DNAH8: variants seen among roughly 807,000 people sequenced by gnomAD.
DNAH8 encodes dynein axonemal heavy chain 8, also known as axonemal beta dynein heavy chain 8.
DNAH8 carries 382 observed loss-of-function variants against 562.1 expected under a neutral mutation model. That is an observed-to-expected ratio of 0.68 (90% CI 0.63 to 0.74). The LOEUF is 0.74. DNAH8 is among the 30% of genes least tolerant of loss of function. The pLI is 0.00. For missense variants in DNAH8, 5,203 were observed against 5,620.4 expected, an observed-to-expected ratio of 0.93 and a Z score of 2.37; for synonymous variants, 1,881 against 1,919.4, an observed-to-expected ratio of 0.98 and a Z score of 0.52.
At chr6:38,981,028 A>AGTGTGT (rs368543739) in intron 85 of DNAH8, among the ~76,000 whole-genome samples, 26,079 of 145,524 alleles carry the variant, frequency 0.18, 2,421 homozygotes, top group Middle Eastern at 0.21. Context: ...TGAAAACGGC[A>AGTGTGT]GTGTGTGTGT....
intron 16 of DNAH8, among the ~76,000 whole-genome samples, chr6:38,782,178 T>C (rs926482797): frequency 6.6e-6 from 1 of 152,094 alleles, no homozygotes; most frequent in Non-Finnish European, 1.5e-5. Flanking sequence ...AGTTGCTGAT[T>C]GACTTTGTGG....
rs780187879 is a variant in DNAH8, at chr6:38,852,745, A to G, written c.5518A>G (p.Lys1840Glu). ...CATCAATGAGGTGACATTTCATGCA[A>G]AAGACTATGATCGCATCATGGCCGT... is the stretch of plus-strand genomic sequence containing the variant. ...DNINEVTFHAKDYDRIMAVIS... is the reference protein window; with the variant it reads ...DNINEVTFHAEDYDRIMAVIS... Residue 1840 changes from lysine to glutamate, a missense_variant, in exon 40 of 93, where the codon AAA becomes GAA. This residue lies in a region of DNAH8 where 2,176 missense variants were observed against 2,365.1 expected (regional missense o/e 0.92). Coordinates refer to ENST00000327475, the MANE Select transcript of DNAH8 (RefSeq NM_001206927.2). 1.1e-5 allele frequency: 17 copies of G among 1,613,782 alleles called. No homozygotes were observed. The highest frequency in any genetic ancestry group is 1.7e-5 in the Admixed American group (1 of 60,006).
chr6:38,748,648 C>T (rs34143805), intron 8 of DNAH8, among the ~76,000 whole-genome samples: 3 of 151,140 alleles, frequency 2.0e-5, no homozygotes, highest in Non-Finnish European at 4.4e-5. Flanking sequence ...CAGCACTTTG[C>T]GAGGCTGAGG....
At chr6:38,855,524 T>G (rs548313252) in intron 41 of DNAH8, among the ~76,000 whole-genome samples, 1 of 152,272 alleles carries the variant, frequency 6.6e-6, no homozygotes, top group African/African-American at 2.4e-5. Flanking sequence ...AATTGACATA[T>G]AACAATTGTA....
chr6:38,880,193 G>A (rs1300092949), intron 53 of DNAH8, among the ~76,000 whole-genome samples: 1 of 152,202 alleles, frequency 6.6e-6, no homozygotes, highest in Non-Finnish European at 1.5e-5. Context: ...GTTGCAGTGA[G>A]CTGAGATTGT....
intron 21 of DNAH8, among the ~76,000 whole-genome samples, chr6:38,797,994 C>T (rs1318147568): frequency 1.3e-5 from 2 of 151,836 alleles, no homozygotes; most frequent in Non-Finnish European, 2.9e-5. Context: ...AGGAGAATCG[C>T]TTGAACCTGG....
At chr6:38,879,345 C>T (rs143142137) in intron 53 of DNAH8, among the ~76,000 whole-genome samples, 5 of 152,010 alleles carry the variant, frequency 3.3e-5, no homozygotes, top group East Asian at 3.9e-4. Context: ...GGAACATTGA[C>T]GAAAATTTCT....
At chr6:38,860,810 G>T (rs964422994) in intron 43 of DNAH8, among the ~76,000 whole-genome samples, 181 bp downstream of exon 43, 1 of 152,202 alleles carries the variant, frequency 6.6e-6, no homozygotes, top group Non-Finnish European at 1.5e-5. Flanking sequence ...GAATTTTTAT[G>T]AAGTAGAAAA....
Position 38,739,092 on chromosome 6 carries a change from T to C in DNAH8, c.1116+1120T>C, listed in dbSNP as rs190401709. 3.8e-3 allele frequency among the ~76,000 whole-genome samples: 579 copies of C among 152,234 alleles called. 3 individuals carry two copies. The highest frequency in any genetic ancestry group is 0.013 in the African/African-American group (556 of 41,490). On this transcript the variant is annotated intron_variant, in intron 7 of 92. Coordinates refer to ENST00000327475, the MANE Select transcript of DNAH8 (RefSeq NM_001206927.2). ...TTACCTGTATCATTTACCCATATCATTGCCTGTTCATATCATTTGCCTATA... is the reference window on the plus strand; with the variant it reads ...TTACCTGTATCATTTACCCATATCACTGCCTGTTCATATCATTTGCCTATA...
At chr6:38,837,152 A>G (rs1583145975) in intron 32 of DNAH8, among the ~76,000 whole-genome samples, 1 of 152,180 alleles carries the variant, frequency 6.6e-6, no homozygotes, top group African/African-American at 2.4e-5. Flanking sequence ...AGTTCATTCG[A>G]GTTCACCTGG....
Position 38,842,834 on chromosome 6 carries a change from G to A in DNAH8, c.4776G>A (p.Val1592=), listed in dbSNP as rs756097882. 3.1e-6 allele frequency: 5 copies of A among 1,613,692 alleles called. No individual in the cohort carries two copies. The Admixed American group carries it at 8.3e-5, about 27-fold the overall frequency. ...AGTTAACTGGAACCCCATTTGATGT[G>A]GAATCTGATTCTTTTTGCCTTAGAA... The part of the protein sequence containing the change: ...ISELTGTPFD[V]ESDSFCLRNI... Residue 1592 remains valine, a synonymous_variant, in exon 35 of 93, where the codon GTG becomes GTA. Coordinates refer to ENST00000327475, the MANE Select transcript of DNAH8 (RefSeq NM_001206927.2).
At position 38,737,866 on chromosome 6, in the gene DNAH8, T is replaced by G. The variant is rs1466099903; in HGVS notation, c.1010T>G (p.Phe337Cys). 1 of 1,588,898 alleles carries G rather than the reference T, an allele frequency of 6.3e-7. No individual in the cohort carries two copies. Among genetic ancestry groups the G allele is most frequent in the Admixed American group, 1.8e-5 (1 of 54,552 alleles). ...TTAAAGACAATAGACAATGTTAATT[T>G]TTCCAAACTGCACACCTTTGAAGAA... Reference protein sequence around the residue: ...VKLKTIDNVNFSKLHTFEEVT... With the variant: ...VKLKTIDNVNCSKLHTFEEVT... The change falls in exon 7 of 93, where the codon TTT becomes TGT. Residue 337 changes from phenylalanine to cysteine, a missense_variant. Phe to Cys is a radical substitution (Grantham distance 205). Coordinates refer to ENST00000327475, the MANE Select transcript of DNAH8 (RefSeq NM_001206927.2).
chr6:38,889,847 G>A (rs1174194626), intron 57 of DNAH8, among the ~76,000 whole-genome samples: 3 of 152,052 alleles, frequency 2.0e-5, no homozygotes, highest in Non-Finnish European at 4.4e-5. Context: ...AGTTTCTTTA[G>A]TCTCCACTCT....
At chr6:39,002,685 T>A (rs1025391337) in intron 88 of DNAH8, among the ~76,000 whole-genome samples, 14 of 152,196 alleles carry the variant, frequency 9.2e-5, no homozygotes, top group African/African-American at 3.4e-4. Context: ...GTAAAAGAAT[T>A]TTAAGTTATA....
In DNAH8 at chr6:38,822,883, A is replaced by AC; in HGVS notation, c.3572dup (p.Val1193GlyfsTer9). On this transcript the variant is annotated frameshift_variant, in exon 27 of 93. Coordinates refer to ENST00000327475, the MANE Select transcript of DNAH8 (RefSeq NM_001206927.2). LOFTEE classifies it high-confidence loss of function. ...CCTGCGAGGAAGCTGAAGAATTTTT[A>AC]CCCGGGGGTAGCGGAGCACAAGGAT... is the stretch of plus-strand genomic sequence containing the variant. 1.2e-6 allele frequency: 2 copies of AC among 1,604,592 alleles called. No individual in the cohort carries two copies. The highest frequency in any genetic ancestry group is 2.3e-5 in the South Asian group (2 of 88,492).
At chr6:38,803,505 G>A (rs1437807188) in intron 22 of DNAH8, among the ~76,000 whole-genome samples, 194 bp downstream of exon 22, 1 of 151,954 alleles carries the variant, frequency 6.6e-6, no homozygotes, top group Non-Finnish European at 1.5e-5. Context: ...GGGAATGGTG[G>A]GAACCCCTCT....
chr6:38,962,980 G>A (rs190577814), intron 82 of DNAH8, among the ~76,000 whole-genome samples: 212 of 152,234 alleles, frequency 1.4e-3, no homozygotes, highest in African/African-American at 4.6e-3. Flanking sequence ...GGGGAGAAAA[G>A]GTTTGAGGGT....
rs1212760869 is a variant in DNAH8 at position 38,906,270 on chromosome 6, A to G, written c.9211A>G (p.Asn3071Asp). 2 of 1,595,410 alleles carry G rather than the reference A, an allele frequency of 1.3e-6. No individual in the cohort carries two copies. Among genetic ancestry groups the G allele is most frequent in the Admixed American group, 1.7e-5 (1 of 58,316 alleles). ...TCTTCTTAGGTCTTACAATGTGACT[A>G]ATCTAACAGATGATTTAAAAGCTTT... ...ITLTRSYNVT[N>D]LTDDLKALYK... Residue 3071 changes from asparagine to aspartate, a missense_variant, in exon 63 of 93, where the codon AAT (asparagine) becomes GAT (aspartate). Asn to Asp is a conservative substitution (Grantham distance 23). Transcript: ENST00000327475.
chr6:38,878,340 A>G (rs1778185770), intron 53 of DNAH8, among the ~76,000 whole-genome samples: 1 of 152,202 alleles, frequency 6.6e-6, no homozygotes, highest in African/African-American at 2.4e-5. Context: ...CGATAGGGAG[A>G]CTTTACAGCA....
Sources: gnomAD v4.1 joint callset for allele counts (sites outside exome capture counted in the v4.1 genomes callset) on GRCh38, gnomAD v4.1.1 for gene constraint, gnomAD v4.1.1 regional missense constraint, MANE v1.5 for transcripts, NCBI Gene and HGNC (gene_info 2026-07-23, HGNC 2026-07-21) for gene names.